IQCH: variants seen among roughly 807,000 people sequenced by gnomAD.
IQCH encodes the protein IQ domain-containing protein H.
IQCH carries 98 observed loss-of-function variants against 117.0 expected under a neutral mutation model. The observed-to-expected ratio is 0.84, with a 90% CI of 0.71 to 0.99. The LOEUF (loss-of-function observed/expected upper bound fraction) is 0.99, where lower values mean the gene tolerates loss of function less well. Ranked by LOEUF, IQCH falls within the 50% of genes least tolerant of loss-of-function variation. The pLI is 0.00. For missense variants in IQCH, 1,102 were observed against 1,243.8 expected (o/e 0.89, Z 1.72); for synonymous variants, 412 against 448.2 (o/e 0.92, Z 1.02).
chr15:67,293,228 T>G (rs1205812517), intron 4 of IQCH, among the ~76,000 whole-genome samples: 1 of 152,214 alleles, frequency 6.6e-6, no homozygotes, highest in East Asian at 1.9e-4. Flanking sequence ...TTGGGCCCTA[T>G]TTTAGGCATC....
Position 67,254,807 on chromosome 15 carries a change from G to A in IQCH, c.-90G>A, listed in dbSNP as rs578254920. 173 of 1,430,950 alleles carry A rather than the reference G, an allele frequency of 1.2e-4. 1 individual carries two copies. The highest frequency in any genetic ancestry group is 1.1e-3 in the Admixed American group (58 of 52,492). The allele number at this position is 1,430,950 out of a possible 1,614,324, so 88.6% of individuals were successfully genotyped here. A position where few individuals can be genotyped will look rare whatever the true frequency, so the allele number is the denominator to read the frequency against. On this transcript the variant is annotated 5_prime_UTR_variant, in exon 1 of 21. Coordinates refer to ENST00000335894, the MANE Select transcript of IQCH (RefSeq NM_001031715.3). ...GCGTGGAACAGGCCAGGTCGCGCGC[G>A]GTGTTGCCATGGGGACGAGCGGCTC... is the stretch of plus-strand genomic sequence containing the variant.
chr15:67,427,141 CAAT>C lies in IQCH; in HGVS notation c.2505+5565_2505+5567del, dbSNP rs1432708534. On this transcript the variant is annotated intron_variant, in intron 16 of 20. Transcript: ENST00000335894. The surrounding 1 kb of genome is among the most constrained non-coding windows in gnomAD (Gnocchi z 4.7). ...ACTAAAAAATAAATAACTTCTCCAA[CAAT>C]GAGAAACTTGAGTCTTTATCCCTCA... Among the ~76,000 whole-genome samples the C allele has an allele frequency of 2.6e-5, 4 of 152,166 alleles. No individual in the cohort carries two copies. The highest frequency in any genetic ancestry group is 9.7e-5 in the African/African-American group (4 of 41,434).
chr15:67,268,487 T>C (rs1164196763), intron 3 of IQCH, among the ~76,000 whole-genome samples: 1 of 152,224 alleles, frequency 6.6e-6, no homozygotes, highest in Non-Finnish European at 1.5e-5. Flanking sequence ...GACCATGATT[T>C]GCTTATTGAC....
intron 5 of IQCH, among the ~76,000 whole-genome samples, chr15:67,340,951 C>G (rs1308504116): frequency 1.3e-5 from 2 of 152,110 alleles, no homozygotes; most frequent in African/African-American, 2.4e-5. Context: ...GCTCATGCCT[C>G]TAATCCCAGC....
intron 4 of IQCH, among the ~76,000 whole-genome samples, chr15:67,307,868 T>G (rs1432555031): frequency 6.6e-6 from 1 of 152,174 alleles, no homozygotes; most frequent in East Asian, 1.9e-4. Context: ...ATTTTGTTGG[T>G]AAACAAATTA....
Position 67,365,972 on chromosome 15 carries a change from CA to C in IQCH, c.753+6089del, listed in dbSNP as rs1970318985. Among the ~76,000 whole-genome samples, 2 of 151,968 alleles carry C rather than the reference CA, an allele frequency of 1.3e-5. No homozygotes were observed. Among genetic ancestry groups the C allele is most frequent in the African/African-American group, 4.8e-5 (2 of 41,350 alleles). Reference sequence around the variant, plus strand: ...ACATATGTAGGTATAGAGAATATGACAAGGTGGAGCTCTGTAGGAATTTTGC... The same window carrying C: ...ACATATGTAGGTATAGAGAATATGACAGGTGGAGCTCTGTAGGAATTTTGC... On this transcript the variant is annotated intron_variant, in intron 8 of 20. Transcript: ENST00000335894. This position sits in a 1 kb window ranked among gnomAD's most constrained non-coding sequence, Gnocchi z 4.4.
Position 67,501,638 on chromosome 15 carries a change from A to G in IQCH, c.*892A>G, listed in dbSNP as rs2083981044. Reference sequence around the variant, plus strand: ...GGGTGAAATAAAAGCAAATTACAACACCAAAACCATTATTGTTTTAAAGAA... The same window carrying G: ...GGGTGAAATAAAAGCAAATTACAACGCCAAAACCATTATTGTTTTAAAGAA... On this transcript the variant is annotated 3_prime_UTR_variant, in exon 21 of 21. Coordinates refer to ENST00000335894, the MANE Select transcript of IQCH (RefSeq NM_001031715.3). This position sits in a 1 kb window ranked among gnomAD's most constrained non-coding sequence, Gnocchi z 5.2. 1 of 152,330 alleles carries G rather than the reference A, an allele frequency of 6.6e-6. No homozygotes were observed. Among genetic ancestry groups the G allele is most frequent in the South Asian group, 2.1e-4 (1 of 4,828 alleles). 9.4% of individuals were successfully genotyped at this position (152,330 alleles called of 1,614,324 possible). A position where few individuals can be genotyped will look rare whatever the true frequency, so the allele number is the denominator to read the frequency against.
chr15:67,462,722 A>G (rs2082829324), intron 16 of IQCH, among the ~76,000 whole-genome samples: 1 of 152,158 alleles, frequency 6.6e-6, no homozygotes, highest in Non-Finnish European at 1.5e-5. Context: ...ATAAATATTA[A>G]TAATGTTTGT....
intron 14 of IQCH, among the ~76,000 whole-genome samples, chr15:67,400,519 C>G (rs1971618637): frequency 1.8e-5 from 1 of 55,446 alleles, no homozygotes; most frequent in Non-Finnish European, 3.4e-5. Flanking sequence ...GGGCCTCACT[C>G]TGTTGCCCAG....
rs2082045923 is a variant in IQCH at position 67,432,727 on chromosome 15, A to T, written c.2505+11150A>T. On this transcript the variant is annotated intron_variant, in intron 16 of 20. Coordinates refer to ENST00000335894, the MANE Select transcript of IQCH (RefSeq NM_001031715.3). This position sits in a 1 kb window ranked among gnomAD's most constrained non-coding sequence, Gnocchi z 5.0. ...ATATATAAGCATCAAAAATGAATACATTTATTTCAGAGAATGGAAAAACCA... is the reference window on the plus strand; with the variant it reads ...ATATATAAGCATCAAAAATGAATACTTTTATTTCAGAGAATGGAAAAACCA... Among the ~76,000 whole-genome samples the T allele has an allele frequency of 6.6e-6, 1 of 152,202 alleles. No individual in the cohort carries two copies. Among genetic ancestry groups the T allele is most frequent in the Admixed American group, 6.5e-5 (1 of 15,280 alleles).
chr15:67,344,293 C>A, intron 6 of IQCH, 102 bp downstream of exon 6: 1 of 992,064 alleles, frequency 1.0e-6, no homozygotes, highest in Non-Finnish European at 1.5e-6. Context: ...AATAATAGGA[C>A]AAGATGAAAG....
At position 67,293,056 on chromosome 15, in the gene IQCH, T is replaced by C. The variant is rs1181687833; in HGVS notation, c.387+13544T>C. Among the ~76,000 whole-genome samples, 5 of 152,338 alleles carry C rather than the reference T, an allele frequency of 3.3e-5. No individual in the cohort carries two copies. The South Asian group carries it at 8.3e-4, about 25-fold the overall frequency. On this transcript the variant is annotated intron_variant, in intron 4 of 20. Coordinates refer to ENST00000335894, the MANE Select transcript of IQCH (RefSeq NM_001031715.3). The stretch of plus-strand genomic sequence containing the variant: ...TTAACATCCTGGCTCTATCACTTAC[T>C]AGCTATACTTGGGCAAGTCACTTAA...
chr15:67,260,096 A>G (rs1965396813), intron 1 of IQCH, among the ~76,000 whole-genome samples: 1 of 152,252 alleles, frequency 6.6e-6, no homozygotes, highest in South Asian at 2.1e-4. Context: ...CTTCTTCAAA[A>G]TGCCTTTAGC....
chr15:67,380,604 A>C (rs1339301250), intron 10 of IQCH, among the ~76,000 whole-genome samples: 1 of 152,210 alleles, frequency 6.6e-6, no homozygotes, highest in Non-Finnish European at 1.5e-5. Flanking sequence ...ATCATTTGTG[A>C]GTATATCATG....
At chr15:67,292,435 T>C (rs1966783368) in intron 4 of IQCH, among the ~76,000 whole-genome samples, 1 of 152,016 alleles carries the variant, frequency 6.6e-6, no homozygotes, top group Non-Finnish European at 1.5e-5. Context: ...TTTTTAAATT[T>C]TTAGTAGTAG....
chr15:67,303,037 C>T (rs1368838359), intron 4 of IQCH, among the ~76,000 whole-genome samples: 1 of 152,108 alleles, frequency 6.6e-6, no homozygotes, highest in Non-Finnish European at 1.5e-5. Context: ...ATGCTTATGT[C>T]AAAGAAATAG....
chr15:67,350,654 C>T (rs1484923841), intron 6 of IQCH, among the ~76,000 whole-genome samples: 1 of 152,190 alleles, frequency 6.6e-6, no homozygotes, highest in Non-Finnish European at 1.5e-5. Context: ...TCTCAATCTC[C>T]TGACCTCGTG....
In IQCH at chr15:67,406,131, C is replaced by T. The variant is rs1971892351; in HGVS notation, c.2097+5826C>T. On this transcript the variant is annotated intron_variant, in intron 14 of 20. Transcript: ENST00000335894. The surrounding 1 kb of genome is among the most constrained non-coding windows in gnomAD (Gnocchi z 4.5). ...TCAATGCCTTTCTCAATTTAATACACTATCGTGATCATTTTAGTGAGCCTG... is the reference window on the plus strand; with the variant it reads ...TCAATGCCTTTCTCAATTTAATACATTATCGTGATCATTTTAGTGAGCCTG... The T allele has an allele frequency of 6.6e-6, 1 of 152,226 alleles. No individual in the cohort carries two copies. Among genetic ancestry groups the T allele is most frequent in the Non-Finnish European group, 1.5e-5 (1 of 68,050 alleles). The allele number at this position is 152,226 out of a possible 1,614,324, so 9.4% of individuals were successfully genotyped here.
chr15:67,421,105 C>G, intron 15 of IQCH, 186 bp from the exon 16 acceptor site: 1 of 602,812 alleles, frequency 1.7e-6, no homozygotes, highest in Non-Finnish European at 2.9e-6. Flanking sequence ...GATACAGTAT[C>G]TCCAAGATGC....
Sources: gnomAD v4.1 joint callset for allele counts (sites outside exome capture counted in the v4.1 genomes callset) on GRCh38, gnomAD v4.1.1 for gene constraint, Gnocchi (gnomAD v3.1) non-coding constraint, MANE v1.5 for transcripts, NCBI Gene and HGNC (gene_info 2026-07-23, HGNC 2026-07-21) for gene names.